CSF1R: variants seen among roughly 807,000 people sequenced by gnomAD.
The protein encoded by CSF1R is colony stimulating factor 1 receptor.
In CSF1R, 40 loss-of-function variants were observed where a neutral mutation model predicts 110.0. That is an observed-to-expected ratio of 0.36 (90% confidence interval 0.28 to 0.47). The LOEUF is 0.47. CSF1R is among the 20% of genes least tolerant of loss of function. The pLI, the probability that CSF1R is intolerant of heterozygous loss-of-function variation, is 0.99. For synonymous variants in CSF1R, 523 were observed against 503.4 expected, an observed-to-expected ratio of 1.04 and a Z score of -0.52; for missense variants, 1,052 against 1,253.0, an observed-to-expected ratio of 0.84 and a Z score of 2.42.
upstream of CSF1R, among the ~76,000 whole-genome samples, chr5:150,087,787 G>A (rs1219624446): frequency 6.6e-6 from 1 of 151,452 alleles, no homozygotes; most frequent in African/African-American, 2.4e-5. Context: ...AGGCTGGAGT[G>A]CAGTAGTGTG....
chr5:150,083,237 C>T (rs951655730), intron 1 of CSF1R, among the ~76,000 whole-genome samples: 6 of 150,884 alleles, frequency 4.0e-5, no homozygotes, highest in Non-Finnish European at 7.4e-5. Context: ...CCCCTCTCAT[C>T]TCCACTCCCC....
rs1373961244 is a variant in CSF1R at position 150,069,832 on chromosome 5, G to A, written c.1510+41C>T. 9.6e-6 allele frequency: 11 copies of A among 1,144,658 alleles called. No homozygotes were observed. The South Asian group carries it at 1.2e-4, about 12-fold the overall frequency. The allele number at this position is 1,144,658 out of a possible 1,614,324, so 70.9% of individuals were successfully genotyped here. A position where few individuals can be genotyped will look rare whatever the true frequency, so the allele number is the denominator to read the frequency against. On this transcript the variant is annotated intron_variant, in intron 9 of 20. Transcript: ENST00000675795. ...CCGCCTAAAGGAGCAGGGGCGGGGG[G>A]CGGGCGGGGGGGCGGTGCGGGTGCG...
chr5:150,070,965 G>T (rs1758007523), intron 6 of CSF1R, among the ~76,000 whole-genome samples: 1 of 152,204 alleles, frequency 6.6e-6, no homozygotes, highest in Non-Finnish European at 1.5e-5. Flanking sequence ...CAAGAGGCAG[G>T]ATGTAGGGCC....
intron 10 of CSF1R, 88 bp from the exon 11 acceptor site, chr5:150,061,937 G>A (rs1757553172): frequency 6.3e-7 from 1 of 1,588,026 alleles, no homozygotes; most frequent in Admixed American, 1.7e-5. Flanking sequence ...AGGGGTGTGG[G>A]CAGTCCCAAG....
chr5:150,089,863 G>A (rs898740513), upstream of CSF1R, among the ~76,000 whole-genome samples: 1 of 152,156 alleles, frequency 6.6e-6, no homozygotes, highest in Admixed American at 6.5e-5. Context: ...TGAGAGTCAG[G>A]AAGTAAACTC....
intron 1 of CSF1R, among the ~76,000 whole-genome samples, chr5:150,110,573 T>C (rs1208248852): frequency 6.6e-6 from 1 of 152,236 alleles, no homozygotes. Flanking sequence ...GCCCATGATA[T>C]ATTGTTAAGT....
chr5:150,059,807 C>T lies in CSF1R; in HGVS notation c.2025G>A (p.Leu675=). The part of the protein sequence containing the change: ...YCCYGDLLNF[L]RRKAEAMLGP... ...CCAGCATGGCCTCAGCCTTCCTTCG[C>T]AGAAAGTTGAGCAGGTCGCCATAGC... Residue 675 remains leucine (L), a synonymous_variant, in exon 14 of 21, where the codon CTG becomes CTA. Coordinates refer to ENST00000675795, the MANE Select transcript of CSF1R (RefSeq NM_001288705.3). 2 of 1,614,186 alleles carry T rather than the reference C, an allele frequency of 1.2e-6. No homozygotes were observed. Among genetic ancestry groups the T allele is most frequent in the East Asian group, 4.5e-5 (2 of 44,874 alleles).
At chr5:150,089,784 TA>T (rs1308943121), upstream of CSF1R, among the ~76,000 whole-genome samples, 1 of 152,142 alleles carries the variant, frequency 6.6e-6, no homozygotes, top group Non-Finnish European at 1.5e-5. Flanking sequence ...AAACCTACTA[TA>T]AAACTACAGA....
chr5:150,072,860 T>C (rs1758084951), intron 6 of CSF1R, among the ~76,000 whole-genome samples: 1 of 152,210 alleles, frequency 6.6e-6, no homozygotes, highest in African/African-American at 2.4e-5. Context: ...TCTGTGATTG[T>C]GTGATCTTAA....
At chr5:150,062,126 C>G (rs1292088231) in intron 10 of CSF1R, among the ~76,000 whole-genome samples, 3 of 152,130 alleles carry the variant, frequency 2.0e-5, no homozygotes, top group African/African-American at 7.2e-5. Flanking sequence ...TCTGAGGGCC[C>G]TGATATCTCT....
intron 1 of CSF1R, among the ~76,000 whole-genome samples, chr5:150,109,793 ATACT>A (rs1208367822): frequency 2.0e-5 from 3 of 152,234 alleles, no homozygotes; most frequent in Non-Finnish European, 4.4e-5. Context: ...ATGGAAACAA[ATACT>A]TAAATATGCA....
rs202034759 is a variant in CSF1R at position 150,086,363 on chromosome 5, C to A, written c.49+16G>T. ...CACACCCCAACAAAGTCCCCCACCC[C>A]CCGTTCTGCTCTTACCATGCCAAGC... is the stretch of plus-strand genomic sequence containing the variant. On this transcript the variant is annotated intron_variant, in intron 1 of 20. Coordinates refer to ENST00000675795, the MANE Select transcript of CSF1R (RefSeq NM_001288705.3). 323 of 1,598,460 alleles carry A rather than the reference C, an allele frequency of 2.0e-4. No homozygotes were observed. The highest frequency in any genetic ancestry group is 2.6e-4 in the Non-Finnish European group (303 of 1,172,122).
Position 150,070,278 on chromosome 5 carries a change from C to A in CSF1R, c.1223G>T (p.Trp408Leu). 6.2e-7 allele frequency: 1 copy of A among 1,614,144 alleles called. No homozygotes were observed. ...GGTGCCAGAGCCGTTGATGAATGTCCATATGACGCTTACCTCTGGGGGGTC... is the reference window on the plus strand; with the variant it reads ...GGTGCCAGAGCCGTTGATGAATGTCAATATGACGCTTACCTCTGGGGGGTC... ...LRYPPEVSVIWTFINGSGTLL... is the reference protein window; with the variant it reads ...LRYPPEVSVILTFINGSGTLL... The change falls in exon 8 of 21, where the codon TGG becomes TTG. Residue 408 changes from tryptophan (W) to leucine (L), a missense_variant. Transcript: ENST00000675795.
At position 150,086,451 on chromosome 5, in the gene CSF1R, C is replaced by T. The variant is rs1483368402; in HGVS notation, c.-24G>A. On this transcript the variant is annotated 5_prime_UTR_variant, in exon 1 of 21. Transcript: ENST00000675795. Reference sequence around the variant, plus strand: ...ATGGCCTCGGTGGGGAAGTGGCAGGCAGGTGCAGGGCTGCAAGGTGCCCAG... The same window carrying T: ...ATGGCCTCGGTGGGGAAGTGGCAGGTAGGTGCAGGGCTGCAAGGTGCCCAG... The T allele has an allele frequency of 1.2e-6, 2 of 1,602,762 alleles. No homozygotes were observed. The highest frequency in any genetic ancestry group is 1.7e-6 in the Non-Finnish European group (2 of 1,174,940).
At chr5:150,059,657 C>A in intron 14 of CSF1R, 43 bp downstream of exon 14, 1 of 1,601,518 alleles carries the variant, frequency 6.2e-7, no homozygotes, top group Non-Finnish European at 8.5e-7. Context: ...TCGGATCCTG[C>A]CTCCCAGACC....
chr5:150,095,391 A>G (rs1182547300), intron 1 of CSF1R, among the ~76,000 whole-genome samples: 1 of 152,216 alleles, frequency 6.6e-6, no homozygotes, highest in Non-Finnish European at 1.5e-5. Context: ...CTTAAGATAC[A>G]TCTTTAAAAG....
intron 1 of CSF1R, among the ~76,000 whole-genome samples, chr5:150,096,451 C>T (rs1759225652): frequency 6.6e-6 from 1 of 152,122 alleles, no homozygotes; most frequent in Non-Finnish European, 1.5e-5. Context: ...AAGAATATAG[C>T]ATAGGAGAGA....
intron 1 of CSF1R, among the ~76,000 whole-genome samples, chr5:150,108,306 A>T (rs1343154301): frequency 6.6e-6 from 1 of 152,096 alleles, no homozygotes; most frequent in East Asian, 1.9e-4. Context: ...CAAGACTTTG[A>T]CCTTCAGCTA....
chr5:150,067,977 G>T (rs1231959271), intron 10 of CSF1R, among the ~76,000 whole-genome samples: 2 of 152,092 alleles, frequency 1.3e-5, no homozygotes, highest in African/African-American at 4.8e-5. Context: ...GTGTGCCCTT[G>T]CTTTAATGGC....
Sources: allele counts gnomAD v4.1 joint callset (sites outside exome capture counted in the v4.1 genomes callset), GRCh38; gene constraint gnomAD v4.1.1; transcripts MANE v1.5; gene names NCBI Gene and HGNC (gene_info 2026-07-23, HGNC 2026-07-21).